HYAL4: variants seen among roughly 807,000 people sequenced by gnomAD.
HYAL4 encodes hyaluronidase-4.
HYAL4 carries 37 observed loss-of-function variants against 35.2 expected under a neutral mutation model. That is an observed-to-expected ratio of 1.05 (90% CI 0.81 to 1.38). The LOEUF is 1.38. Ranked by LOEUF, HYAL4 falls within the 40% of genes most tolerant of loss-of-function variation. HYAL4 has a pLI of 0.00. For synonymous variants in HYAL4, 198 were observed against 203.2 expected (o/e 0.97, Z 0.22); for missense variants, 572 against 572.4 (o/e 1.00, Z 0.01).
intron 1 of HYAL4, among the ~76,000 whole-genome samples, chr7:123,839,835 TG>T (rs888032384): frequency 4.7e-5 from 2 of 42,842 alleles, no homozygotes; most frequent in African/African-American, 8.4e-5. Flanking sequence ...TGGGATTGTT[TG>T]TTTTTTTTTC....
the HYAL4 span, among the ~76,000 whole-genome samples, chr7:123,785,286 T>A: frequency 6.6e-6 from 1 of 152,166 alleles, no homozygotes; most frequent in Non-Finnish European, 1.5e-5. This position sits in a 1 kb window ranked among gnomAD's most constrained non-coding sequence, Gnocchi z 4.5. Context: ...AATGTCTCCC[T>A]ATGTTGCCCA....
the HYAL4 span, among the ~76,000 whole-genome samples, chr7:123,821,353 A>T: frequency 6.6e-6 from 1 of 152,146 alleles, no homozygotes; most frequent in Non-Finnish European, 1.5e-5. Context: ...CCATCCTAAC[A>T]GGTGTGAGGT....
At chr7:123,875,752 T>C (rs977644172) in intron 4 of HYAL4, among the ~76,000 whole-genome samples, 2 of 152,136 alleles carry the variant, frequency 1.3e-5, no homozygotes, top group African/African-American at 4.8e-5. Flanking sequence ...TTCCTAGTTT[T>C]CCCCAATCCA....
At chr7:123,765,608 A>G in the HYAL4 span, among the ~76,000 whole-genome samples, 9 of 152,302 alleles carry the variant, frequency 5.9e-5, no homozygotes, top group South Asian at 4.1e-4. Context: ...TAGAAGGCAA[A>G]TATTTATGCA....
At chr7:123,857,608 A>G (rs920262256) in intron 2 of HYAL4, among the ~76,000 whole-genome samples, 6 of 151,710 alleles carry the variant, frequency 4.0e-5, no homozygotes, top group African/African-American at 1.5e-4. Context: ...GGAGCTGCAG[A>G]CCAGAGCTGT....
At chr7:123,816,176 A>C in the HYAL4 span, among the ~76,000 whole-genome samples, 40 of 152,230 alleles carry the variant, frequency 2.6e-4, 1 homozygote, top group East Asian at 7.1e-3. Flanking sequence ...ATTCCTAGAA[A>C]GTTTTTAAGT....
intron 2 of HYAL4, among the ~76,000 whole-genome samples, chr7:123,850,388 C>T (rs62472127): frequency 1.4e-4 from 21 of 152,186 alleles, no homozygotes; most frequent in Admixed American, 1.3e-3. Context: ...ACCACAGGAA[C>T]GCACCACCAG....
chr7:123,826,886 A>G (rs528728061), upstream of HYAL4, among the ~76,000 whole-genome samples: 1 of 152,258 alleles, frequency 6.6e-6, no homozygotes, highest in East Asian at 1.9e-4. Flanking sequence ...CTGTAAGGGG[A>G]AAAAGGAGTG....
chr7:123,774,394 T>C, the HYAL4 span, among the ~76,000 whole-genome samples: 1 of 152,176 alleles, frequency 6.6e-6, no homozygotes, highest in South Asian at 2.1e-4. Context: ...GTATGCTCCT[T>C]TGCCTTGATC....
rs1305333152 is a variant in HYAL4 at position 123,868,863 on chromosome 7, C to G, written c.590C>G (p.Ala197Gly). 4 of 1,614,034 alleles carry G rather than the reference C, an allele frequency of 2.5e-6. No individual in the cohort carries two copies. Among genetic ancestry groups the G allele is most frequent in the Middle Eastern group, 1.6e-4 (1 of 6,084 alleles). Residue 197 changes from alanine to glycine, a missense_variant, in exon 3 of 5, where the codon GCT (alanine) becomes GGT (glycine). Coordinates refer to ENST00000223026, the MANE Select transcript of HYAL4 (RefSeq NM_012269.3). ...GTGACCTTTGAAGAAAGTGCAAAAG[C>G]TTTCATGAAGGAAACCATCAAATTG... ...AKVTFEESAK[A>G]FMKETIKLGI...
intron 2 of HYAL4, among the ~76,000 whole-genome samples, chr7:123,859,897 C>T (rs1806540224): frequency 6.6e-6 from 1 of 152,176 alleles, no homozygotes; most frequent in Admixed American, 6.5e-5. Context: ...GTTCTCTTCC[C>T]TGGAAGCAAG....
At chr7:123,772,192 G>A in the HYAL4 span, among the ~76,000 whole-genome samples, 17 of 152,058 alleles carry the variant, frequency 1.1e-4, no homozygotes, top group Non-Finnish European at 2.2e-4. Flanking sequence ...ATAAAAAGGT[G>A]GAGACCCAGG....
intron 2 of HYAL4, among the ~76,000 whole-genome samples, chr7:123,858,446 C>T (rs915313771): frequency 7.2e-5 from 11 of 151,984 alleles, no homozygotes; most frequent in African/African-American, 2.7e-4. Context: ...GTAGTCAGCA[C>T]ATAGTGGACA....
chr7:123,804,150 AC>A, the HYAL4 span, among the ~76,000 whole-genome samples: 2 of 152,192 alleles, frequency 1.3e-5, no homozygotes, highest in African/African-American at 4.8e-5. Flanking sequence ...CTGCCACCCA[AC>A]CTATGTGAAT....
At chr7:123,812,431 A>G in the HYAL4 span, among the ~76,000 whole-genome samples, 1 of 152,204 alleles carries the variant, frequency 6.6e-6, no homozygotes, top group Admixed American at 6.5e-5. Context: ...TTGTTACTGT[A>G]GTAGAAGTCT....
intron 2 of HYAL4, among the ~76,000 whole-genome samples, chr7:123,864,266 G>A (rs17703063): frequency 0.14 from 20,644 of 152,098 alleles, 1,563 homozygotes; most frequent in South Asian, 0.16. Context: ...TTGTTCAGGG[G>A]CCTTTAAAAT....
At chr7:123,868,186 A>G in intron 2 of HYAL4, 37 bp from the exon 3 acceptor site, 3 of 612,080 alleles carry the variant, frequency 4.9e-6, no homozygotes. Context: ...CTTTTTCCTC[A>G]AAACTATGAC....
chr7:123,772,632 A>C, the HYAL4 span, among the ~76,000 whole-genome samples: 1 of 152,228 alleles, frequency 6.6e-6, no homozygotes, highest in African/African-American at 2.4e-5. Flanking sequence ...CGAAACTAGG[A>C]ATTAGGGACA....
chr7:123,812,981 A>G, the HYAL4 span, among the ~76,000 whole-genome samples: 1,322 of 152,288 alleles, frequency 8.7e-3, 19 homozygotes, highest in African/African-American at 0.03. Context: ...AGAGTAAATT[A>G]TCGTTCACAT....
Sources: allele counts gnomAD v4.1 joint callset (sites outside exome capture counted in the v4.1 genomes callset), GRCh38; gene constraint gnomAD v4.1.1; non-coding constraint Gnocchi (gnomAD v3.1); transcripts MANE v1.5; gene names NCBI Gene and HGNC (gene_info 2026-07-23, HGNC 2026-07-21).